Variants in ADAMTS12 observed in about 807,000 individuals in gnomAD.
The protein encoded by ADAMTS12 is A disintegrin and metalloproteinase with thrombospondin motifs 12.
Under a neutral mutation model 167.8 loss-of-function variants are expected in ADAMTS12, and 118 were observed. The observed-to-expected ratio is 0.70, with a 90% CI of 0.61 to 0.82. The LOEUF is 0.82. ADAMTS12 is among the 40% of genes least tolerant of loss of function. The probability of loss-of-function intolerance (pLI) is 0.00; values close to 1 mark genes in which losing one functional copy is unlikely to be tolerated. For missense variants in ADAMTS12, 1,916 were observed against 1,998.8 expected, an observed-to-expected ratio of 0.96 and a Z score of 0.79; for synonymous variants, 704 against 716.9, an observed-to-expected ratio of 0.98 and a Z score of 0.29.
intron 23 of ADAMTS12, among the ~76,000 whole-genome samples, chr5:33,532,188 T>C (rs1744136624): frequency 6.6e-6 from 1 of 152,218 alleles, no homozygotes; most frequent in African/African-American, 2.4e-5. Context: ...AGCTGCGTTA[T>C]CAGGCGATAA....
rs4049327 is a variant in ADAMTS12, at chr5:33,574,513, C to T, written c.3972+1541G>A. ...ATCACAAGGACAAAAAACCAAACAC[C>T]GCATGTTCTCACTCATAGATGGGAA... On this transcript the variant is annotated intron_variant, in intron 19 of 23. Coordinates refer to ENST00000504830, the MANE Select transcript of ADAMTS12 (RefSeq NM_030955.4). 4.0e-5 allele frequency among the ~76,000 whole-genome samples: 6 copies of T among 149,896 alleles called. No homozygotes were observed. The East Asian group carries it at 5.9e-4, about 15-fold the overall frequency.
rs1743801265 is a variant in ADAMTS12 at position 33,526,139 on chromosome 5, C to A, written c.*1049G>T. 6.6e-6 allele frequency: 1 copy of A among 152,100 alleles called. No individual in the cohort carries two copies. Among genetic ancestry groups the A allele is most frequent in the Non-Finnish European group, 1.5e-5 (1 of 68,030 alleles). 9.4% of individuals were successfully genotyped at this position (152,100 alleles called of 1,614,324 possible). The stretch of plus-strand genomic sequence containing the variant: ...TTGCACTATGTTCTTGTACTTAGTA[C>A]AATTTACCTGGTTCTTTGAAATATT... On this transcript the variant is annotated 3_prime_UTR_variant, in exon 24 of 24. Coordinates refer to ENST00000504830, the MANE Select transcript of ADAMTS12 (RefSeq NM_030955.4).
Position 33,881,169 on chromosome 5 carries a change from G to A in ADAMTS12, c.439C>T (p.Gln147Ter). ...GCCGTCCCAACTCTGGTGCCCTGCTGTAGAACCGTGCCACTGAGATGGCAG... is the reference window on the plus strand; with the variant it reads ...GCCGTCCCAACTCTGGTGCCCTGCTATAGAACCGTGCCACTGAGATGGCAG... ...PLCHLSGTVL[Q>*]QGTRVGTAAL... Residue 147 changes from glutamine to a stop codon, truncating the protein, a stop_gained, in exon 2 of 24, where the codon CAG (glutamine) becomes TAG (stop). Coordinates refer to ENST00000504830, the MANE Select transcript of ADAMTS12 (RefSeq NM_030955.4). LOFTEE classifies it high-confidence loss of function. The A allele has an allele frequency of 6.2e-7, 1 of 1,614,142 alleles. No homozygotes were observed. The highest frequency in any genetic ancestry group is 8.5e-7 in the Non-Finnish European group (1 of 1,180,032).
chr5:33,860,774 C>A (rs1749578697), intron 2 of ADAMTS12, among the ~76,000 whole-genome samples: 1 of 152,110 alleles, frequency 6.6e-6, no homozygotes, highest in Non-Finnish European at 1.5e-5. Flanking sequence ...AAGTTAAGTG[C>A]AGCCAGAGAG....
rs112273542 is a variant in ADAMTS12 at position 33,800,296 on chromosome 5, G to A, written c.490-48748C>T. Among the ~76,000 whole-genome samples the A allele has an allele frequency of 1.8e-3, 279 of 152,264 alleles. 2 individuals are homozygous for A. Among genetic ancestry groups the A allele is most frequent in the Admixed American group, 4.9e-3 (75 of 15,302 alleles). ...GGAGTAGTAAGGGAGTATAACACACGTCCCTGCCCAAAGACCTTAGTCTAG... is the reference window on the plus strand; with the variant it reads ...GGAGTAGTAAGGGAGTATAACACACATCCCTGCCCAAAGACCTTAGTCTAG... On this transcript the variant is annotated intron_variant, in intron 2 of 23. Coordinates refer to ENST00000504830, the MANE Select transcript of ADAMTS12 (RefSeq NM_030955.4).
chr5:33,799,107 G>A (rs1011464662), intron 2 of ADAMTS12, among the ~76,000 whole-genome samples: 3 of 152,178 alleles, frequency 2.0e-5, no homozygotes, highest in Non-Finnish European at 4.4e-5. Flanking sequence ...CATGAGGGAT[G>A]AGGCAGTAAG....
At chr5:33,673,814 C>T (rs1741804883) in intron 5 of ADAMTS12, among the ~76,000 whole-genome samples, 1 of 152,152 alleles carries the variant, frequency 6.6e-6, no homozygotes, top group African/African-American at 2.4e-5. Context: ...TCCCACACAC[C>T]TTCCTTTCTT....
intron 2 of ADAMTS12, among the ~76,000 whole-genome samples, chr5:33,778,493 C>T (rs2112437229): frequency 6.7e-6 from 1 of 149,506 alleles, no homozygotes; most frequent in Middle Eastern, 3.4e-3. Flanking sequence ...AAACTGAAGC[C>T]TTATCTCATA....
intron 19 of ADAMTS12, among the ~76,000 whole-genome samples, chr5:33,574,765 A>G (rs1746595217): frequency 6.6e-6 from 1 of 152,206 alleles, no homozygotes; most frequent in Admixed American, 6.5e-5. Flanking sequence ...AGAAAAAATG[A>G]GACTACCTAT....
chr5:33,677,273 A>G (rs181278760), intron 5 of ADAMTS12, among the ~76,000 whole-genome samples: 74 of 152,334 alleles, frequency 4.9e-4, no homozygotes, highest in Non-Finnish European at 9.4e-4. Context: ...ACATTTATTG[A>G]GCAGTTTCTA....
At chr5:33,578,132 C>A (rs1746852887) in intron 18 of ADAMTS12, among the ~76,000 whole-genome samples, 2 of 152,222 alleles carry the variant, frequency 1.3e-5, no homozygotes, top group South Asian at 4.1e-4. Flanking sequence ...ATAGTTGGCA[C>A]TTGAGCACAG....
Position 33,615,895 on chromosome 5 carries a change from T to C in ADAMTS12, c.2321A>G (p.Tyr774Cys). ...CTTTTCCAGGTCTCCTTTCCTGTCA[T>C]ACTGAAAGACAGTCCCTGCCAGCTT... ...NYKLAGTVFQ[Y>C]DRKGDLEKLM... Residue 774 changes from tyrosine to cysteine, a missense_variant, in exon 15 of 24, where the codon TAT (tyrosine) becomes TGT (cysteine). Transcript: ENST00000504830. 1 of 1,614,152 alleles carries C rather than the reference T, an allele frequency of 6.2e-7. No individual in the cohort carries two copies. Among genetic ancestry groups the C allele is most frequent in the Non-Finnish European group, 8.5e-7 (1 of 1,180,008 alleles).
intron 3 of ADAMTS12, among the ~76,000 whole-genome samples, chr5:33,701,674 G>T (rs1349167813): frequency 6.6e-6 from 1 of 152,160 alleles, no homozygotes; most frequent in Non-Finnish European, 1.5e-5. Context: ...TCTTGAGATT[G>T]CCATATAAAG....
At chr5:33,748,169 A>G (rs73086130) in intron 3 of ADAMTS12, among the ~76,000 whole-genome samples, 7,132 of 152,202 alleles carry the variant, frequency 0.047, 592 homozygotes, top group African/African-American at 0.16. Flanking sequence ...TTCTGGAACA[A>G]AAGTTCCCAC....
intron 3 of ADAMTS12, among the ~76,000 whole-genome samples, chr5:33,685,042 A>G (rs908296081): frequency 3.9e-5 from 6 of 152,206 alleles, no homozygotes; most frequent in African/African-American, 1.4e-4. Context: ...ACCAGAAGAG[A>G]GTAAAGAAAG....
chr5:33,580,884 C>G (rs1747029525), intron 18 of ADAMTS12, among the ~76,000 whole-genome samples: 1 of 152,216 alleles, frequency 6.6e-6, no homozygotes, highest in Non-Finnish European at 1.5e-5. Context: ...GACCTGGGGT[C>G]TGGGAGTTTA....
At chr5:33,837,874 C>G (rs542250867) in intron 2 of ADAMTS12, among the ~76,000 whole-genome samples, 12 of 152,306 alleles carry the variant, frequency 7.9e-5, no homozygotes, top group Admixed American at 2.6e-4. Context: ...GTTGAGCAAG[C>G]CTGCCTTTCT....
At chr5:33,872,186 G>T (rs1421130935) in intron 2 of ADAMTS12, among the ~76,000 whole-genome samples, 1 of 152,140 alleles carries the variant, frequency 6.6e-6, no homozygotes, top group South Asian at 2.1e-4. Flanking sequence ...AGAAGCAGAG[G>T]GAATTCTTTC....
chr5:33,541,246 T>C (rs1011993482), intron 22 of ADAMTS12, among the ~76,000 whole-genome samples: 1 of 152,074 alleles, frequency 6.6e-6, no homozygotes, highest in Non-Finnish European at 1.5e-5. Flanking sequence ...TGATTGAAGA[T>C]TAAATTAATG....
Sources: allele counts gnomAD v4.1 joint callset (sites outside exome capture counted in the v4.1 genomes callset), GRCh38; gene constraint gnomAD v4.1.1; transcripts MANE v1.5; gene names NCBI Gene and HGNC (gene_info 2026-07-23, HGNC 2026-07-21).